The following N4BP1 variants were observed in gnomAD, a reference collection of about 807,000 sequenced individuals.
The protein encoded by N4BP1 is NEDD4 binding protein 1.
Under a neutral mutation model 70.9 loss-of-function variants are expected in N4BP1, and 21 were observed. The observed-to-expected ratio is 0.30, with a 90% CI of 0.21 to 0.43. N4BP1 has a LOEUF of 0.43. Ranked by LOEUF, N4BP1 falls within the 20% of genes least tolerant of loss-of-function variation. The pLI is 1.00. For missense variants in N4BP1, 936 were observed against 1,069.4 expected, an observed-to-expected ratio of 0.88 and a Z score of 1.74; for synonymous variants, 387 against 394.6, an observed-to-expected ratio of 0.98 and a Z score of 0.23.
intron 1 of N4BP1, among the ~76,000 whole-genome samples, chr16:48,564,502 C>A (rs1278515636): frequency 2.0e-5 from 3 of 152,152 alleles, no homozygotes; most frequent in African/African-American, 7.2e-5. Context: ...TGTGAGTTCC[C>A]TATTCTGTTC....
In N4BP1 at chr16:48,561,471, A is replaced by G. The variant is rs777178441; in HGVS notation, c.1172T>C (p.Phe391Ser). 3 of 1,611,364 alleles carry G rather than the reference A, an allele frequency of 1.9e-6. No individual in the cohort carries two copies. The Admixed American group carries it at 5.1e-5, about 27-fold the overall frequency. Reference protein sequence around the residue: ...LEEIEKENKRFQEDREFSAGT... With the variant: ...LEEIEKENKRSQEDREFSAGT... Reference sequence around the variant, plus strand: ...AGCTGAAAATTCTCTGTCTTCTTGGAATCTTTTATTTTCTTTTTCAATTTC... The same window carrying G: ...AGCTGAAAATTCTCTGTCTTCTTGGGATCTTTTATTTTCTTTTTCAATTTC... The change falls in exon 2 of 7, where the codon TTC (phenylalanine) becomes TCC (serine). Residue 391 changes from phenylalanine to serine, a missense_variant. Physicochemically the swap from Phe to Ser is radical, Grantham distance 155 (BLOSUM62 -2). Transcript: ENST00000262384.
At chr16:48,588,295 T>C (rs1316361348) in intron 1 of N4BP1, among the ~76,000 whole-genome samples, 21 of 53,284 alleles carry the variant, frequency 3.9e-4, no homozygotes, top group Admixed American at 2.8e-3. Flanking sequence ...CTATGTTTTC[T>C]TTTTTTTTTT....
At chr16:48,570,028 G>T (rs1282134633) in intron 1 of N4BP1, among the ~76,000 whole-genome samples, 2 of 152,016 alleles carry the variant, frequency 1.3e-5, no homozygotes, top group East Asian at 3.9e-4. Flanking sequence ...CACACAGAGA[G>T]AAAAATCAAT....
At position 48,561,596 on chromosome 16, in the gene N4BP1, G is replaced by T; in HGVS notation, c.1047C>A (p.Ile349=). The change falls in exon 2 of 7, where the codon ATC becomes ATA. Residue 349 remains isoleucine (I), a synonymous_variant. Coordinates refer to ENST00000262384, the MANE Select transcript of N4BP1 (RefSeq NM_153029.4). ...CCATGGTTTTAAAAAAGTTTACGAG[G>T]ATGTTGTATTCCATTTCCTCAGTAG... The part of the protein sequence containing the change: ...KETTEEMEYN[I]LVNFFKTMGY... 1 of 1,613,634 alleles carries T rather than the reference G, an allele frequency of 6.2e-7. No individual in the cohort carries two copies. The highest frequency in any genetic ancestry group is 8.5e-7 in the Non-Finnish European group (1 of 1,179,836).
At chr16:48,563,701 G>T (rs1245836294) in intron 1 of N4BP1, among the ~76,000 whole-genome samples, 1 of 151,956 alleles carries the variant, frequency 6.6e-6, no homozygotes, top group Non-Finnish European at 1.5e-5. Context: ...TGATTTTTTT[G>T]TCTGTTTTCT....
intron 6 of N4BP1, among the ~76,000 whole-genome samples, chr16:48,544,604 T>G (rs1963563808): frequency 6.6e-6 from 1 of 152,160 alleles, no homozygotes; most frequent in Admixed American, 6.5e-5. Context: ...CTAAGAATTA[T>G]GAAAACAGAA....
At chr16:48,595,755 C>T (rs1964403085) in intron 1 of N4BP1, among the ~76,000 whole-genome samples, 7 of 152,182 alleles carry the variant, frequency 4.6e-5, no homozygotes, top group Admixed American at 4.6e-4. Flanking sequence ...ACTTATAGAG[C>T]CAACCAATAA....
intron 1 of N4BP1, among the ~76,000 whole-genome samples, chr16:48,591,885 C>CTT: frequency 1.1e-5 from 1 of 94,912 alleles, no homozygotes; most frequent in African/African-American, 6.8e-5. Context: ...TGTTACCTGA[C>CTT]GTTTTTTTTT....
rs371515218 is a variant in N4BP1, at chr16:48,548,096, C to T, written c.2136G>A (p.Ala712=). ...TCACAATTATGCCACCAGTTTTGTC[C>T]GCTAAGTGTAGTAGAAACCTATGGT... ...SHDDRFLLHL[A]DKTGGIIVTN... The change falls in exon 5 of 7, where the codon GCG becomes GCA. Residue 712 remains alanine, a synonymous_variant. Transcript: ENST00000262384. 1.2e-5 allele frequency: 19 copies of T among 1,611,236 alleles called. No homozygotes were observed. The South Asian group carries it at 1.4e-4, about 12-fold the overall frequency.
chr16:48,570,286 G>C (rs911471647), intron 1 of N4BP1, among the ~76,000 whole-genome samples: 2 of 152,202 alleles, frequency 1.3e-5, no homozygotes, highest in African/African-American at 4.8e-5. Context: ...GCTGTGTTGT[G>C]TTCATGCTGG....
intron 1 of N4BP1, among the ~76,000 whole-genome samples, chr16:48,580,608 C>T (rs1964161719): frequency 6.6e-6 from 1 of 152,042 alleles, no homozygotes; most frequent in Admixed American, 6.6e-5. Context: ...GTACCAAAAC[C>T]AGATGAGGAT....
At chr16:48,582,138 AAT>A (rs1964182799) in intron 1 of N4BP1, among the ~76,000 whole-genome samples, 1 of 152,246 alleles carries the variant, frequency 6.6e-6, no homozygotes, top group African/African-American at 2.4e-5. Context: ...AAAAGATTTG[AAT>A]AGACACATTT....
intron 1 of N4BP1, among the ~76,000 whole-genome samples, chr16:48,582,098 G>T (rs545437993): frequency 4.6e-5 from 7 of 152,202 alleles, no homozygotes; most frequent in Middle Eastern, 3.4e-3. Flanking sequence ...AACAACAAGA[G>T]CAAGACAACA....
intron 2 of N4BP1, among the ~76,000 whole-genome samples, chr16:48,557,994 C>T (rs1465143887): frequency 6.6e-6 from 1 of 152,060 alleles, no homozygotes; most frequent in Non-Finnish European, 1.5e-5. Context: ...AGGTAAAATT[C>T]ACACGACTAA....
Position 48,610,177 on chromosome 16 carries a change from C to A in N4BP1, c.-205G>T. 6.1e-6 allele frequency: 1 copy of A among 162,872 alleles called. No homozygotes were observed. The highest frequency in any genetic ancestry group is 1.8e-4 in the South Asian group (1 of 5,704). The allele number at this position is 162,872 out of a possible 1,614,324, so 10.1% of individuals were successfully genotyped here. On this transcript the variant is annotated 5_prime_UTR_variant, in exon 1 of 7. In the 5' UTR this introduces an upstream ATG that the reference lacks. Coordinates refer to ENST00000262384, the MANE Select transcript of N4BP1 (RefSeq NM_153029.4). ...CTTGGCAATTGCTGGCAGCGAACCC[C>A]TCCGCCCCTTTGCCGCCGCCGCGGG... is the stretch of plus-strand genomic sequence containing the variant.
chr16:48,604,602 TA>T (rs11423007), intron 1 of N4BP1, among the ~76,000 whole-genome samples: 238 of 138,528 alleles, frequency 1.7e-3, no homozygotes, highest in South Asian at 2.9e-3. Flanking sequence ...CAAAAAAAGG[TA>T]AAAAAAAAAA....
rs1308365491 is a variant in N4BP1, at chr16:48,540,727, G to A, written c.*2177C>T. On this transcript the variant is annotated 3_prime_UTR_variant, in exon 7 of 7. Coordinates refer to ENST00000262384, the MANE Select transcript of N4BP1 (RefSeq NM_153029.4). ...GAGCCTGAGCAGTAGACAGGGAAGA[G>A]GCGAGCGGCCCCACTGCAGGAGGTA... The A allele has an allele frequency of 6.6e-6, 1 of 152,340 alleles. No homozygotes were observed. Among genetic ancestry groups the A allele is most frequent in the Non-Finnish European group, 1.5e-5 (1 of 68,128 alleles). 9.4% of individuals were successfully genotyped at this position (152,340 alleles called of 1,614,324 possible).
At chr16:48,579,559 T>C (rs1470477712) in intron 1 of N4BP1, among the ~76,000 whole-genome samples, 1 of 151,986 alleles carries the variant, frequency 6.6e-6, no homozygotes, top group African/African-American at 2.4e-5. Flanking sequence ...CTCAGTCTGC[T>C]AGAAAAATAA....
intron 4 of N4BP1, 122 bp downstream of exon 4, chr16:48,551,264 C>T (rs1963661716): frequency 1.6e-6 from 1 of 636,070 alleles, no homozygotes. Context: ...CCTTAATGAC[C>T]ATAAATATTA....
Sources: allele counts gnomAD v4.1 joint callset (sites outside exome capture counted in the v4.1 genomes callset), GRCh38; gene constraint gnomAD v4.1.1; transcripts MANE v1.5; gene names NCBI Gene and HGNC (gene_info 2026-07-23, HGNC 2026-07-21).